SLC8A1: variants seen among roughly 807,000 people sequenced by gnomAD.
SLC8A1 encodes solute carrier family 8 member A1, also known as sodium/calcium exchanger 1.
In SLC8A1, 18 loss-of-function variants were observed where a neutral mutation model predicts 68.3. That is an observed-to-expected ratio of 0.26 (90% CI 0.18 to 0.39). The LOEUF is 0.39. Ranked by LOEUF, SLC8A1 falls within the 10% of genes least tolerant of loss-of-function variation. SLC8A1 has a pLI of 1.00. For missense variants in SLC8A1, 985 were observed against 1,156.7 expected, an observed-to-expected ratio of 0.85 and a Z score of 2.15; for synonymous variants, 475 against 415.5, an observed-to-expected ratio of 1.14 and a Z score of -1.74.
intron 7 of SLC8A1, among the ~76,000 whole-genome samples, chr2:40,118,051 C>G (rs2035874772): frequency 6.6e-6 from 1 of 152,178 alleles, no homozygotes; most frequent in Non-Finnish European, 1.5e-5. Context: ...AAGAAGTAGA[C>G]AAACACTGCT....
At chr2:40,249,760 C>G (rs941699834) in intron 2 of SLC8A1, among the ~76,000 whole-genome samples, 4 of 152,138 alleles carry the variant, frequency 2.6e-5, no homozygotes, top group African/African-American at 9.7e-5. Flanking sequence ...AGAGGACTGA[C>G]AAGCTATAAT....
At chr2:40,116,419 C>T (rs962198481) in intron 7 of SLC8A1, among the ~76,000 whole-genome samples, 1 of 152,146 alleles carries the variant, frequency 6.6e-6, no homozygotes, top group Non-Finnish European at 1.5e-5. Flanking sequence ...CCCACTAACT[C>T]GTCATCTAGC....
rs1559643037 is a variant in SLC8A1 at position 40,428,804 on chromosome 2, C to T, written c.1477G>A (p.Val493Met). 3 of 1,613,704 alleles carry T rather than the reference C, an allele frequency of 1.9e-6. No individual in the cohort carries two copies. The highest frequency in any genetic ancestry group is 2.5e-6 in the Non-Finnish European group (3 of 1,179,902). The change falls in exon 2 of 8, where the codon GTG becomes ATG. Residue 493 changes from valine (V) to methionine (M), a missense_variant. Physicochemically the swap from Val to Met is conservative, Grantham distance 21. This residue lies in a region of SLC8A1 where 584 missense variants were observed against 565.9 expected (regional missense o/e 1.03). Transcript: ENST00000406785. ...GATACTTTGACATTGCTGAGATGCA[C>T]AAGGAAATTTTCATCCTCCTCAAAG...
chr2:40,310,478 T>C (rs1357181939), intron 2 of SLC8A1, among the ~76,000 whole-genome samples: 3 of 152,130 alleles, frequency 2.0e-5, no homozygotes, highest in Non-Finnish European at 2.9e-5. Context: ...GAACAGTGGG[T>C]GAGAAGAGGT....
chr2:40,217,268 C>G (rs928241965), intron 2 of SLC8A1, among the ~76,000 whole-genome samples: 1 of 152,020 alleles, frequency 6.6e-6, no homozygotes, highest in African/African-American at 2.4e-5. Flanking sequence ...TTGCTTGTTT[C>G]TGTCAGGTTT....
chr2:40,206,531 T>C (rs1026058112), intron 2 of SLC8A1, among the ~76,000 whole-genome samples: 12 of 152,044 alleles, frequency 7.9e-5, no homozygotes, highest in African/African-American at 2.9e-4. Flanking sequence ...ATACTGTAGT[T>C]TATCATAACA....
At chr2:40,334,465 A>C (rs1167747133) in intron 2 of SLC8A1, among the ~76,000 whole-genome samples, 2 of 152,234 alleles carry the variant, frequency 1.3e-5, no homozygotes, top group Non-Finnish European at 2.9e-5. Context: ...ATCACACTAG[A>C]AAATGAAATG....
Position 40,291,874 on chromosome 2 carries a change from C to T in SLC8A1, c.1809-114019G>A, listed in dbSNP as rs530684535. Among the ~76,000 whole-genome samples the T allele has an allele frequency of 7.9e-5, 12 of 151,660 alleles. No individual in the cohort carries two copies. In the East Asian group the frequency reaches 1.4e-3, roughly 17 times the overall value. On this transcript the variant is annotated intron_variant, in intron 2 of 7. Coordinates refer to ENST00000406785, the Ensembl canonical transcript of SLC8A1. ...AGGTTGAAGTCATATTCAGTCACAA[C>T]ACCCTGAGTGCTGGACAAGACATCT...
chr2:40,188,362 A>G (rs2051093384), intron 2 of SLC8A1, among the ~76,000 whole-genome samples: 2 of 152,212 alleles, frequency 1.3e-5, no homozygotes, highest in Non-Finnish European at 2.9e-5. Context: ...TAGAAATGAA[A>G]CACATCAACA....
At chr2:40,178,401 A>T (rs1325532268) in intron 2 of SLC8A1, 1 of 1,613,646 alleles carries the variant, frequency 6.2e-7, no homozygotes, top group Non-Finnish European at 8.5e-7. Context: ...CTTCTCACTC[A>T]TCTCCACCAG....
At chr2:40,448,345 A>T (rs563189961) in intron 1 of SLC8A1, among the ~76,000 whole-genome samples, 2 of 152,362 alleles carry the variant, frequency 1.3e-5, no homozygotes, top group East Asian at 3.9e-4. Context: ...ATCCCGCTGC[A>T]CTTAATGAGG....
intron 6 of SLC8A1, among the ~76,000 whole-genome samples, chr2:40,153,813 C>G (rs1329573574): frequency 6.6e-6 from 1 of 152,188 alleles, no homozygotes; most frequent in African/African-American, 2.4e-5. Flanking sequence ...CTAGGAAATC[C>G]AGTAACTGAT....
chr2:40,139,383 C>T lies in SLC8A1; in HGVS notation c.2437+18G>A, dbSNP rs2041138198. 8.1e-6 allele frequency: 13 copies of T among 1,612,974 alleles called. No individual in the cohort carries two copies. The highest frequency in any genetic ancestry group is 1.1e-5 in the Non-Finnish European group (13 of 1,179,158). The stretch of plus-strand genomic sequence containing the variant: ...AACTTCTGCTACTGGGGGAATTATA[C>T]ATGAATGTAATTTGTACCTGGCACT... On this transcript the variant is annotated intron_variant, in intron 7 of 7. Coordinates refer to ENST00000406785, the Ensembl canonical transcript of SLC8A1.
intron 2 of SLC8A1, among the ~76,000 whole-genome samples, chr2:40,415,744 G>A (rs571958208): frequency 3.9e-5 from 6 of 151,994 alleles, no homozygotes; most frequent in African/African-American, 9.6e-5. Context: ...TTGGGAGGCC[G>A]AGGTGGGTGG....
At chr2:40,410,617 G>A (rs11898089) in intron 2 of SLC8A1, among the ~76,000 whole-genome samples, 1 of 151,870 alleles carries the variant, frequency 6.6e-6, no homozygotes, top group Non-Finnish European at 1.5e-5. Flanking sequence ...TGTATAACAT[G>A]ATATTTTGAA....
At chr2:40,251,895 A>T (rs1242681967) in intron 2 of SLC8A1, 1 of 152,230 alleles carries the variant, frequency 6.6e-6, no homozygotes, top group Non-Finnish European at 1.5e-5. Context: ...ATCGGGTATT[A>T]TGAATAAAGT....
At chr2:40,335,521 TTAA>T in intron 2 of SLC8A1, among the ~76,000 whole-genome samples, 1 of 152,370 alleles carries the variant, frequency 6.6e-6, no homozygotes, top group Non-Finnish European at 1.5e-5. Context: ...AATGACTGAC[TTAA>T]TAAACTAACT....
intron 2 of SLC8A1, among the ~76,000 whole-genome samples, chr2:40,423,286 A>T (rs988225894): frequency 8.5e-5 from 13 of 152,112 alleles, no homozygotes; most frequent in African/African-American, 3.1e-4. Context: ...TCCAAAAGCA[A>T]ATGAAAATAT....
At chr2:40,330,217 A>G (rs994807743) in intron 2 of SLC8A1, among the ~76,000 whole-genome samples, 1 of 152,158 alleles carries the variant, frequency 6.6e-6, no homozygotes, top group African/African-American at 2.4e-5. Context: ...TTCCATTTGC[A>G]TAGTAGAGGC....
Sources: gnomAD v4.1 joint callset for allele counts (sites outside exome capture counted in the v4.1 genomes callset) on GRCh38, gnomAD v4.1.1 for gene constraint, gnomAD v4.1.1 regional missense constraint, MANE v1.5 for transcripts, NCBI Gene and HGNC (gene_info 2026-07-23, HGNC 2026-07-21) for gene names.